Variants in ATP13A4 observed in about 807,000 individuals in gnomAD.
ATP13A4 encodes ATPase 13A4.
ATP13A4 carries 114 observed loss-of-function variants against 142.5 expected under a neutral mutation model. The observed-to-expected ratio is 0.80, with a 90% CI of 0.69 to 0.93. ATP13A4 has a LOEUF of 0.93. Ranked by LOEUF, ATP13A4 falls within the 40% of genes least tolerant of loss-of-function variation. The pLI is 0.00. For missense variants in ATP13A4, 1,392 were observed against 1,454.0 expected (o/e 0.96, Z 0.69); for synonymous variants, 488 against 514.8 (o/e 0.95, Z 0.70).
chr3:193,546,835 C>T (rs952418911), intron 1 of ATP13A4, among the ~76,000 whole-genome samples: 3 of 152,178 alleles, frequency 2.0e-5, no homozygotes, highest in Non-Finnish European at 4.4e-5. Context: ...CCTAAATTTT[C>T]GTATTCATAA....
chr3:193,525,429 A>G (rs1169021190), intron 1 of ATP13A4, among the ~76,000 whole-genome samples: 2 of 152,228 alleles, frequency 1.3e-5, no homozygotes, highest in Non-Finnish European at 2.9e-5. Flanking sequence ...CCCCAGTATT[A>G]TTATTTCCCT....
intron 23 of ATP13A4, among the ~76,000 whole-genome samples, chr3:193,436,144 A>G (rs1246703724): frequency 2.6e-5 from 4 of 152,226 alleles, no homozygotes; most frequent in Non-Finnish European, 1.5e-5. Context: ...GGATTTAAAT[A>G]AAATTCCAGA....
At chr3:193,462,608 A>G (rs975862055) in intron 13 of ATP13A4, among the ~76,000 whole-genome samples, 154 bp downstream of exon 13, 2 of 152,176 alleles carry the variant, frequency 1.3e-5, no homozygotes, top group Non-Finnish European at 2.9e-5. Context: ...GCTTTGAAGA[A>G]TTAAAGATGA....
intron 1 of ATP13A4, among the ~76,000 whole-genome samples, chr3:193,529,821 C>T (rs1722219529): frequency 6.6e-6 from 1 of 152,146 alleles, no homozygotes; most frequent in South Asian, 2.1e-4. Context: ...TAATTTTACA[C>T]CAATTTAAGT....
At chr3:193,522,965 C>T (rs1234726295) in intron 1 of ATP13A4, among the ~76,000 whole-genome samples, 1 of 152,130 alleles carries the variant, frequency 6.6e-6, no homozygotes, top group African/African-American at 2.4e-5. Context: ...AACTAAAACC[C>T]TTGGAATGTT....
chr3:193,525,405 C>T (rs2108695283), intron 1 of ATP13A4, among the ~76,000 whole-genome samples: 1 of 152,292 alleles, frequency 6.6e-6, no homozygotes. Context: ...TATATTTTGG[C>T]AATACATTTT....
At chr3:193,439,094 G>A in intron 21 of ATP13A4, 29 bp from the exon 22 acceptor site, 2 of 1,567,640 alleles carry the variant, frequency 1.3e-6, no homozygotes. Flanking sequence ...AATTGTAGAT[G>A]AGATCAAACC....
chr3:193,412,296 A>G lies in ATP13A4; in HGVS notation c.3090T>C (p.Asn1030=), dbSNP rs1019149615. Residue 1030 remains asparagine (N), a synonymous_variant, in exon 27 of 30, where the codon AAT becomes AAC. Coordinates refer to ENST00000342695, the MANE Select transcript of ATP13A4 (RefSeq NM_032279.4). The part of the protein sequence containing the change: ...SPTAPEKMES[N]STFTSFENTT... ...TGTTCTCAAAACTTGTGAAGGTGCT[A>G]TTACTTTCCATTTTTTCTGGAGCAG... is the stretch of plus-strand genomic sequence containing the variant. 4.3e-6 allele frequency: 7 copies of G among 1,613,812 alleles called. No individual in the cohort carries two copies. The highest frequency in any genetic ancestry group is 1.3e-5 in the African/African-American group (1 of 74,916).
chr3:193,565,711 G>T (rs1450516633), intron 2 of ATP13A4, among the ~76,000 whole-genome samples: 1 of 152,204 alleles, frequency 6.6e-6, no homozygotes, highest in African/African-American at 2.4e-5. Flanking sequence ...CCTGCAGAGA[G>T]CTCCTTCCCC....
Position 193,488,987 on chromosome 3 carries a change from G to A in ATP13A4, c.738+743C>T, listed in dbSNP as rs566970432. The stretch of plus-strand genomic sequence containing the variant: ...CAGGGAAGGAGGGGGCTGCGGAGAT[G>A]AGTCATTTGGCACTCGGAAAGTGGG... On this transcript the variant is annotated intron_variant, in intron 7 of 29. Transcript: ENST00000342695. 1.1e-4 allele frequency among the ~76,000 whole-genome samples: 17 copies of A among 152,262 alleles called. No individual in the cohort carries two copies. In the South Asian group the frequency reaches 3.3e-3, roughly 30 times the overall value.
intron 3 of ATP13A4, among the ~76,000 whole-genome samples, chr3:193,498,976 G>A (rs960823206): frequency 3.9e-5 from 6 of 152,138 alleles, no homozygotes; most frequent in African/African-American, 1.2e-4. Context: ...TTGTAAAACC[G>A]TGTCAACTAG....
At chr3:193,421,126 T>G (rs1715381704) in intron 25 of ATP13A4, among the ~76,000 whole-genome samples, 1 of 149,956 alleles carries the variant, frequency 6.7e-6, no homozygotes. Flanking sequence ...TATAATAAAT[T>G]GTCAAAATAA....
rs554927410 is a variant in ATP13A4, at chr3:193,503,995, A to ATGTGTGTGTGTGTGTGTGTG, written c.235-1376_235-1357dup. 9.6e-4 allele frequency among the ~76,000 whole-genome samples: 131 copies of ATGTGTGTGTGTGTGTGTGTG among 136,134 alleles called. 1 individual carries two copies. Among genetic ancestry groups the ATGTGTGTGTGTGTGTGTGTG allele is most frequent in the Middle Eastern group, 3.6e-3 (1 of 276 alleles). 89.3% of individuals were successfully genotyped at this position (136,134 alleles called of 152,430 possible). A position where few individuals can be genotyped will look rare whatever the true frequency, so the allele number is the denominator to read the frequency against. On this transcript the variant is annotated intron_variant, in intron 2 of 29. Coordinates refer to ENST00000342695, the MANE Select transcript of ATP13A4 (RefSeq NM_032279.4). ...CAGGCTTAGCACAGGTTCTGTGTGC[A>ATGTGTGTGTGTGTGTGTGTG]TGTGTGTGTGTGTGTGTGTGTGTGT... is the stretch of plus-strand genomic sequence containing the variant.
intron 7 of ATP13A4, among the ~76,000 whole-genome samples, chr3:193,486,178 C>T (rs1719605280): frequency 6.6e-6 from 1 of 151,742 alleles, no homozygotes; most frequent in Non-Finnish European, 1.5e-5. Context: ...TAGAGATCCT[C>T]AGTGATTTTT....
intron 9 of ATP13A4, among the ~76,000 whole-genome samples, chr3:193,468,532 T>A (rs1718435997): frequency 6.6e-6 from 1 of 151,888 alleles, no homozygotes; most frequent in African/African-American, 2.4e-5. Flanking sequence ...GCAGATCGCT[T>A]GAGCCAGGAG....
At chr3:193,440,504 C>A in intron 21 of ATP13A4, 54 bp downstream of exon 21, 1 of 1,611,504 alleles carries the variant, frequency 6.2e-7, no homozygotes, top group Admixed American at 1.7e-5. Flanking sequence ...TCCACTCCCC[C>A]TGACTGTTAT....
intron 27 of ATP13A4, among the ~76,000 whole-genome samples, chr3:193,411,739 A>G (rs1560169266): frequency 6.6e-6 from 1 of 152,180 alleles, no homozygotes; most frequent in African/African-American, 2.4e-5. Context: ...CTCTCTAGTC[A>G]GGTTCCTCCA....
At chr3:193,475,751 T>C (rs1718926268) in intron 8 of ATP13A4, among the ~76,000 whole-genome samples, 1 of 152,092 alleles carries the variant, frequency 6.6e-6, no homozygotes, top group Non-Finnish European at 1.5e-5. Context: ...GTTGCTGGCA[T>C]AACCAACAGA....
Position 193,523,229 on chromosome 3 carries a change from G to T in ATP13A4, c.61-8358C>A, listed in dbSNP as rs1388304343. 2.0e-5 allele frequency among the ~76,000 whole-genome samples: 3 copies of T among 152,116 alleles called. 1 individual carries two copies. The South Asian group carries it at 6.2e-4, about 32-fold the overall frequency. On this transcript the variant is annotated intron_variant, in intron 1 of 29. Transcript: ENST00000342695. ...TGAGACAGGAGAATCACATGAACCT[G>T]GGAAGCGGAAGTTGTAGTGAGCCGA... is the stretch of plus-strand genomic sequence containing the variant.
Sources: gnomAD v4.1 joint callset for allele counts (sites outside exome capture counted in the v4.1 genomes callset) on GRCh38, gnomAD v4.1.1 for gene constraint, MANE v1.5 for transcripts, NCBI Gene and HGNC (gene_info 2026-07-23, HGNC 2026-07-21) for gene names.